Variants in MYOM3 observed in about 807,000 individuals in gnomAD.
The protein encoded by MYOM3 is myomesin-3.
A neutral mutation model predicts 191.7 loss-of-function variants in MYOM3; 155 were observed. The ratio of observed to expected loss-of-function variants is 0.81; its 90% confidence interval spans 0.71 to 0.92. The LOEUF (loss-of-function observed/expected upper bound fraction) is 0.92. MYOM3 is among the 40% of genes least tolerant of loss of function. The probability of loss-of-function intolerance (pLI) is 0.00; values close to 1 mark genes in which losing one functional copy is unlikely to be tolerated. For missense variants in MYOM3, 1,889 were observed against 1,890.6 expected, an observed-to-expected ratio of 1.00 and a Z score of 0.02; for synonymous variants, 757 against 762.9, an observed-to-expected ratio of 0.99 and a Z score of 0.13.
chr1:24,091,932 C>T (rs981829514), intron 11 of MYOM3, among the ~76,000 whole-genome samples: 1 of 152,210 alleles, frequency 6.6e-6, no homozygotes, highest in African/African-American at 2.4e-5. Flanking sequence ...TCTAGAGGGT[C>T]CACAGGGCAG....
At position 24,057,468 on chromosome 1, in the gene MYOM3, G is replaced by A. The variant is rs200459313; in HGVS notation, c.4210C>T (p.Arg1404Cys). The change falls in exon 37 of 37, where the codon CGC becomes TGC. Residue 1404 changes from arginine (R) to cysteine (C), a missense_variant. Transcript: ENST00000374434. ...TTGTTCTTGACGAAGACGCCGTAGCGGCCGCTGTCTTCACTGTTGACCTTC... is the reference window on the plus strand; with the variant it reads ...TTGTTCTTGACGAAGACGCCGTAGCAGCCGCTGTCTTCACTGTTGACCTTC... The part of the protein sequence containing the change: ...IEKVNSEDSG[R>C]YGVFVKNKYG... The A allele has an allele frequency of 9.7e-5, 156 of 1,614,202 alleles. No homozygotes were observed. In the Middle Eastern group the frequency reaches 1.5e-3, roughly 15 times the overall value.
chr1:24,082,390 G>A (rs1643682528), intron 17 of MYOM3: 9 of 889,738 alleles, frequency 1.0e-5, no homozygotes, highest in Middle Eastern at 3.5e-4. Context: ...ACCCCCCAGA[G>A]CTGCTCAGGC....
In MYOM3 at chr1:24,092,167, G is replaced by C; in HGVS notation, c.1232+7C>G. ...TAGGGCCTCTGCCACTCACGAGGTC[G>C]ACTCACCGCTCAATGGTGTAGGCAG... On this transcript the variant is annotated splice_region_variant and intron_variant, in intron 11 of 36. Coordinates refer to ENST00000374434, the MANE Select transcript of MYOM3 (RefSeq NM_152372.4). The C allele has an allele frequency of 6.9e-7, 1 of 1,449,916 alleles. No homozygotes were observed. Among genetic ancestry groups the C allele is most frequent in the East Asian group, 2.7e-5 (1 of 37,010 alleles). The allele number at this position is 1,449,916 out of a possible 1,614,324, so 89.8% of individuals were successfully genotyped here.
chr1:24,103,124 A>T (rs1643952223), intron 5 of MYOM3, among the ~76,000 whole-genome samples: 1 of 152,234 alleles, frequency 6.6e-6, no homozygotes, highest in African/African-American at 2.4e-5. Flanking sequence ...GCAGGGGTAG[A>T]AACAACTCCC....
chr1:24,067,430 CCTTCCTTCCTTCCTTTG>C, intron 27 of MYOM3, among the ~76,000 whole-genome samples: 1 of 94,748 alleles, frequency 1.1e-5, no homozygotes, highest in Non-Finnish European at 2.0e-5. Context: ...TTCCTTCCTT[CCTTCCTTCCTTCCTTTG>C]TTTCCTTCCT....
Position 24,063,156 on chromosome 1 carries a change from A to G in MYOM3, c.3740T>C (p.Val1247Ala). 1.9e-6 allele frequency: 3 copies of G among 1,613,652 alleles called. No homozygotes were observed. Among genetic ancestry groups the G allele is most frequent in the Non-Finnish European group, 2.5e-6 (3 of 1,179,620 alleles). The change falls in exon 32 of 37, where the codon GTG becomes GCG. Residue 1247 changes from valine (V) to alanine (A), a missense_variant. Transcript: ENST00000374434. This position sits in a 1 kb window ranked among gnomAD's most constrained non-coding sequence, Gnocchi z 4.5. Reference protein sequence around the residue: ...RIFSKVKYYNVEYMKTTWFHK... With the variant: ...RIFSKVKYYNAEYMKTTWFHK... ...GAACCAGGTGGTTTTCATGTACTCC[A>G]CGTTGTAGTACTTGACCTTGCTGAA...
At chr1:24,104,892 A>G (rs1345809231) in intron 5 of MYOM3, among the ~76,000 whole-genome samples, 2 of 152,184 alleles carry the variant, frequency 1.3e-5, no homozygotes, top group Admixed American at 6.5e-5. Context: ...TGACACCCTC[A>G]GTAAATATTT....
At chr1:24,108,709 A>C (rs1242167740) in intron 1 of MYOM3, 55 bp from the exon 2 acceptor site, 17 of 1,342,220 alleles carry the variant, frequency 1.3e-5, no homozygotes, top group African/African-American at 1.5e-5. Context: ...ATCCCCTCCC[A>C]TGCAGTCTTC....
At chr1:24,086,180 C>T (rs898328478) in intron 15 of MYOM3, among the ~76,000 whole-genome samples, 6 of 152,134 alleles carry the variant, frequency 3.9e-5, no homozygotes, top group Admixed American at 6.5e-5. Context: ...GCAAGGTGTG[C>T]AGCTTGGAAA....
At chr1:24,094,728 A>C in intron 9 of MYOM3, 125 bp downstream of exon 9, 1 of 948,062 alleles carries the variant, frequency 1.1e-6, no homozygotes, top group Non-Finnish European at 1.6e-6. Flanking sequence ...CTGCCTCTTC[A>C]GCACTTTAGC....
intron 15 of MYOM3, among the ~76,000 whole-genome samples, chr1:24,086,184 T>A (rs932534169): frequency 1.2e-4 from 18 of 152,056 alleles, no homozygotes; most frequent in African/African-American, 4.3e-4. Flanking sequence ...GGTGTGCAGC[T>A]TGGAAATGAC....
At chr1:24,061,823 C>A in intron 33 of MYOM3, 123 bp downstream of exon 33, 5 of 1,059,138 alleles carry the variant, frequency 4.7e-6, no homozygotes, top group Non-Finnish European at 7.0e-6. Context: ...AACTCCAGAG[C>A]TCAAGCGATC....
At chr1:24,105,492 G>T (rs1643974587) in intron 5 of MYOM3, among the ~76,000 whole-genome samples, 1 of 152,206 alleles carries the variant, frequency 6.6e-6, no homozygotes, top group Admixed American at 6.5e-5. Context: ...GAGACGCCCA[G>T]CTTGCAGCAC....
chr1:24,058,749 G>A (rs554507835), intron 36 of MYOM3, among the ~76,000 whole-genome samples, 175 bp downstream of exon 36: 3 of 152,282 alleles, frequency 2.0e-5, no homozygotes, highest in African/African-American at 2.4e-5. Context: ...TACCCACTGA[G>A]GGCTGACACC....
At chr1:24,082,449 G>T in intron 17 of MYOM3, 144 bp downstream of exon 17, 1 of 1,194,692 alleles carries the variant, frequency 8.4e-7, no homozygotes, top group Non-Finnish European at 1.1e-6. Context: ...AAAGGAAAGG[G>T]CAGCCAGGGC....
Position 24,081,067 on chromosome 1 carries a change from C to A in MYOM3, c.2407+263G>T, listed in dbSNP as rs114085067. Among the ~76,000 whole-genome samples the A allele has an allele frequency of 3.5e-3, 539 of 152,330 alleles. 5 individuals are homozygous for A. The highest frequency in any genetic ancestry group is 0.012 in the African/African-American group (505 of 41,578). ...AGATTGGTCTATGGCTAGAAGCAGGCAGGCTCTCGAGTTGGGAAATAGTTT... is the reference window on the plus strand; with the variant it reads ...AGATTGGTCTATGGCTAGAAGCAGGAAGGCTCTCGAGTTGGGAAATAGTTT... On this transcript the variant is annotated intron_variant, in intron 19 of 36. Coordinates refer to ENST00000374434, the MANE Select transcript of MYOM3 (RefSeq NM_152372.4).
intron 21 of MYOM3, 116 bp downstream of exon 21, chr1:24,076,043 C>T: frequency 2.7e-6 from 2 of 743,144 alleles, no homozygotes; most frequent in Non-Finnish European, 4.6e-6. Flanking sequence ...GCTGGAGGGC[C>T]AGAGAAGTGT....
rs1241748046 is a variant in MYOM3 at position 24,111,862 on chromosome 1, T to G, written c.-19+169A>C. 6.6e-6 allele frequency among the ~76,000 whole-genome samples: 1 copy of G among 151,668 alleles called. No individual in the cohort carries two copies. Among genetic ancestry groups the G allele is most frequent in the East Asian group, 1.9e-4 (1 of 5,182 alleles). ...GAATCCCCTCCCATTTTCACTTGGG[T>G]GCTGCCTCAGCACAAATTTCCCAGG... On this transcript the variant is annotated intron_variant, in intron 1 of 36. Transcript: ENST00000374434. This position sits in a 1 kb window ranked among gnomAD's most constrained non-coding sequence, Gnocchi z 4.7.
rs111784019 is a variant in MYOM3 at position 24,087,408 on chromosome 1, A to G, written c.1615-581T>C. Among the ~76,000 whole-genome samples, 60 of 151,512 alleles carry G rather than the reference A, an allele frequency of 4.0e-4. 2 individuals carry two copies. The highest frequency in any genetic ancestry group is 1.4e-3 in the African/African-American group (57 of 41,282). ...CAGACCAGGTCCCTGTCTGCCCAGAACCCTCCCACGTCCCGCATCTCCCTC... is the reference window on the plus strand; with the variant it reads ...CAGACCAGGTCCCTGTCTGCCCAGAGCCCTCCCACGTCCCGCATCTCCCTC... On this transcript the variant is annotated intron_variant, in intron 14 of 36. Coordinates refer to ENST00000374434, the MANE Select transcript of MYOM3 (RefSeq NM_152372.4). This position sits in a 1 kb window ranked among gnomAD's most constrained non-coding sequence, Gnocchi z 4.5.
Sources: gnomAD v4.1 joint callset for allele counts (sites outside exome capture counted in the v4.1 genomes callset) on GRCh38, gnomAD v4.1.1 for gene constraint, Gnocchi (gnomAD v3.1) non-coding constraint, MANE v1.5 for transcripts, NCBI Gene and HGNC (gene_info 2026-07-23, HGNC 2026-07-21) for gene names.